TMTC1: variants seen among roughly 807,000 people sequenced by gnomAD.
TMTC1 encodes the protein transmembrane O-mannosyltransferase targeting cadherins 1, also known as protein O-mannosyl-transferase TMTC1.
In TMTC1, 73 loss-of-function variants were observed where a neutral mutation model predicts 104.8. The observed-to-expected ratio is 0.70, with a 90% CI of 0.58 to 0.85. TMTC1 has a LOEUF of 0.85. TMTC1 is among the 40% of genes least tolerant of loss of function. The pLI is 0.00. For synonymous variants in TMTC1, 434 were observed against 428.7 expected (o/e 1.01, Z -0.15); for missense variants, 1,035 against 1,096.1 (o/e 0.94, Z 0.79).
At chr12:29,688,478 C>T (rs1941166960) in intron 5 of TMTC1, among the ~76,000 whole-genome samples, 1 of 152,106 alleles carries the variant, frequency 6.6e-6, no homozygotes. Flanking sequence ...TATGTCAATC[C>T]CCTAATGCTG....
rs138236556 is a variant in TMTC1 at position 29,556,944 on chromosome 12, G to A, written c.1589C>T (p.Thr530Ile). The A allele has an allele frequency of 1.2e-5, 20 of 1,614,188 alleles. No homozygotes were observed. Among genetic ancestry groups the A allele is most frequent in the Admixed American group, 3.3e-5 (2 of 60,024 alleles). The part of the protein sequence containing the change: ...LNNLGTLTRD[T>I]AEAKMYYQRA... Reference sequence around the variant, plus strand: ...CTGATAGTACATCTTTGCCTCTGCTGTGTCTCTCGTCAGTGTTCCAAGGTT... The same window carrying A: ...CTGATAGTACATCTTTGCCTCTGCTATGTCTCTCGTCAGTGTTCCAAGGTT... Residue 530 changes from threonine to isoleucine, a missense_variant, in exon 10 of 18, where the codon ACA becomes ATA. Thr to Ile is a moderately conservative substitution (Grantham distance 89). Transcript: ENST00000539277.
chr12:29,599,968 A>ATG lies in TMTC1; in HGVS notation c.1250+4208_1250+4209dup, dbSNP rs113537256. 3.7e-3 allele frequency among the ~76,000 whole-genome samples: 486 copies of ATG among 131,266 alleles called. 8 individuals carry two copies. The highest frequency in any genetic ancestry group is 0.012 in the African/African-American group (337 of 28,034). The allele number at this position is 131,266 out of a possible 152,430, so 86.1% of individuals were successfully genotyped here. On this transcript the variant is annotated intron_variant, in intron 7 of 17. Transcript: ENST00000539277. ...TGTGTATATATATGTGTATATATATATGTGTGTGTGTGTGTGTGTATATAC... is the reference window on the plus strand; with the variant it reads ...TGTGTATATATATGTGTATATATATATGTGTGTGTGTGTGTGTGTGTATATAC...
Position 29,516,471 on chromosome 12 carries a change from C to T in TMTC1, c.2185G>A (p.Val729Met), listed in dbSNP as rs377685203. 43 of 1,613,424 alleles carry T rather than the reference C, an allele frequency of 2.7e-5. No homozygotes were observed. Among genetic ancestry groups the T allele is most frequent in the Admixed American group, 1.2e-4 (7 of 59,950 alleles). Residue 729 changes from valine (V) to methionine (M), a missense_variant, in exon 15 of 18, where the codon GTG becomes ATG. Val to Met is a conservative substitution (Grantham distance 21, BLOSUM62 1). Transcript: ENST00000539277. The stretch of plus-strand genomic sequence containing the variant: ...TCAGCTTCTTTTGTCTGACCCATCA[C>T]GGCCAAAACCTGAGCCTACAAAACC... ...LRLALAQVLA[V>M]MGQTKEAEKM... is the part of the protein sequence containing the mutation.
Position 29,617,263 on chromosome 12 carries a change from GACAC to G in TMTC1, c.1129-12968_1129-12965del, listed in dbSNP as rs528892359. On this transcript the variant is annotated intron_variant, in intron 6 of 17. Coordinates refer to ENST00000539277, the MANE Select transcript of TMTC1 (RefSeq NM_001193451.2). ...AGGCAGATGACGAAGGGAACCATCA[GACAC>G]CTCCACCCCAGTTTACGTGCTTTGT... 7.2e-4 allele frequency among the ~76,000 whole-genome samples: 109 copies of G among 152,082 alleles called. 1 individual carries two copies. Among genetic ancestry groups the G allele is most frequent in the Middle Eastern group, 3.4e-3 (1 of 294 alleles).
chr12:29,752,018 T>A, intron 4 of TMTC1, 146 bp from the exon 5 acceptor site: 2 of 738,938 alleles, frequency 2.7e-6, no homozygotes, highest in Non-Finnish European at 4.3e-6. Flanking sequence ...TTCTGATATT[T>A]ACTGCCATAT....
At chr12:29,536,342 G>A in intron 10 of TMTC1, 25 bp from the exon 11 acceptor site, 2 of 1,396,994 alleles carry the variant, frequency 1.4e-6, no homozygotes, top group Non-Finnish European at 2.0e-6. Flanking sequence ...GAAGGGGTGG[G>A]GGAGAACATC....
chr12:29,667,294 G>A (rs1268499738), intron 5 of TMTC1, among the ~76,000 whole-genome samples: 2 of 152,150 alleles, frequency 1.3e-5, no homozygotes, highest in Non-Finnish European at 2.9e-5. Context: ...AAGGAAAGGA[G>A]CTCACTATTC....
chr12:29,559,296 C>T (rs1350934647), intron 9 of TMTC1, among the ~76,000 whole-genome samples: 1 of 152,156 alleles, frequency 6.6e-6, no homozygotes, highest in East Asian at 1.9e-4. Flanking sequence ...ATGTAAGGTG[C>T]CTGTTTGCTC....
At chr12:29,765,277 A>G (rs1052939476) in intron 2 of TMTC1, among the ~76,000 whole-genome samples, 5 of 152,182 alleles carry the variant, frequency 3.3e-5, no homozygotes, top group Admixed American at 3.3e-4. Flanking sequence ...CATTGTAGAT[A>G]TCGACATTTC....
At chr12:29,601,722 A>C (rs1444432761) in intron 7 of TMTC1, among the ~76,000 whole-genome samples, 1 of 152,150 alleles carries the variant, frequency 6.6e-6, no homozygotes, top group Admixed American at 6.5e-5. Flanking sequence ...TTATTTTTGT[A>C]AAATAGCAAT....
intron 17 of TMTC1, among the ~76,000 whole-genome samples, chr12:29,509,318 A>G (rs562855112): frequency 6.6e-6 from 1 of 152,338 alleles, no homozygotes; most frequent in South Asian, 2.1e-4. Flanking sequence ...AAAACTTCAT[A>G]AGAAGCGTTA....
intron 12 of TMTC1, among the ~76,000 whole-genome samples, chr12:29,520,262 G>A (rs1592160936): frequency 6.6e-6 from 1 of 152,204 alleles, no homozygotes; most frequent in Non-Finnish European, 1.5e-5. Flanking sequence ...CCATCTGCCA[G>A]TAACTGCTTT....
chr12:29,537,528 T>A (rs935417127), intron 10 of TMTC1, among the ~76,000 whole-genome samples: 3 of 152,222 alleles, frequency 2.0e-5, no homozygotes, highest in Non-Finnish European at 4.4e-5. Flanking sequence ...CCACCCCTAA[T>A]GACCTTTCTG....
At chr12:29,538,104 T>C in intron 10 of TMTC1, among the ~76,000 whole-genome samples, 1 of 152,184 alleles carries the variant, frequency 6.6e-6, no homozygotes, top group East Asian at 1.9e-4. Flanking sequence ...ATAACACCCA[T>C]GTCCTTAAGT....
chr12:29,730,842 T>C (rs1002790323), intron 5 of TMTC1, among the ~76,000 whole-genome samples: 16 of 152,220 alleles, frequency 1.1e-4, no homozygotes, highest in Non-Finnish European at 1.6e-4. Flanking sequence ...CCATTCAGTA[T>C]TTGTTCAAAA....
chr12:29,613,185 C>G (rs773191164), intron 6 of TMTC1, among the ~76,000 whole-genome samples: 1 of 152,168 alleles, frequency 6.6e-6, no homozygotes, highest in South Asian at 2.1e-4. Flanking sequence ...AAGAGTGATG[C>G]TGCTCTAAGA....
At chr12:29,676,070 A>G (rs900263738) in intron 5 of TMTC1, among the ~76,000 whole-genome samples, 5 of 152,374 alleles carry the variant, frequency 3.3e-5, no homozygotes, top group South Asian at 2.1e-4. Flanking sequence ...AAAGCACACC[A>G]TATCTATAAA....
intron 2 of TMTC1, among the ~76,000 whole-genome samples, chr12:29,760,771 TAC>T (rs1943325743): frequency 6.6e-6 from 1 of 151,122 alleles, no homozygotes; most frequent in African/African-American, 2.4e-5. Flanking sequence ...TTTGTAGCGT[TAC>T]ATTTTATTGC....
At chr12:29,517,302 A>G (rs1471458525) in intron 14 of TMTC1, 125 bp downstream of exon 14, 2 of 1,006,420 alleles carry the variant, frequency 2.0e-6, no homozygotes, top group African/African-American at 1.6e-5. Context: ...CATTAGCTGT[A>G]TGAATATTCA....
Sources: allele counts gnomAD v4.1 joint callset (sites outside exome capture counted in the v4.1 genomes callset), GRCh38; gene constraint gnomAD v4.1.1; transcripts MANE v1.5; gene names NCBI Gene and HGNC (gene_info 2026-07-23, HGNC 2026-07-21).